CDH22: variants seen among roughly 807,000 people sequenced by gnomAD.
CDH22 encodes the protein cadherin 22.
CDH22 carries 30 observed loss-of-function variants against 58.4 expected under a neutral mutation model. The observed-to-expected ratio is 0.51, with a 90% confidence interval of 0.38 to 0.70. The LOEUF (loss-of-function observed/expected upper bound fraction) is 0.70, where lower values mean the gene tolerates loss of function less well. Among genes scored for constraint, CDH22 ranks in the 30% least tolerant of loss-of-function variants. The pLI is 0.00. For missense variants in CDH22, 1,014 were observed against 1,233.9 expected (o/e 0.82, Z 2.67); for synonymous variants, 513 against 558.2 (o/e 0.92, Z 1.14).
rs34730995 is a variant in CDH22, at chr20:46,197,295, G to GATATATATATAT, written c.1423+2116_1423+2127dup. ...ATGTGCTGGAAAGCATCTAGGCCAG[G>GATATATATATAT]ATATATATATATATATATATATACA... On this transcript the variant is annotated intron_variant, in intron 8 of 11. Transcript: ENST00000537909. Among the ~76,000 whole-genome samples, 1,149 of 141,960 alleles carry GATATATATATAT rather than the reference G, an allele frequency of 8.1e-3. 18 individuals are homozygous for GATATATATATAT. The highest frequency in any genetic ancestry group is 0.011 in the Non-Finnish European group (740 of 64,686). 93.1% of individuals were successfully genotyped at this position (141,960 alleles called of 152,430 possible).
intron 1 of CDH22, among the ~76,000 whole-genome samples, chr20:46,293,950 G>A (rs1024513769): frequency 2.0e-5 from 3 of 152,186 alleles, no homozygotes; most frequent in Non-Finnish European, 2.9e-5. Context: ...GGGAGGCGGA[G>A]GTTGCAGTGA....
intron 3 of CDH22, among the ~76,000 whole-genome samples, chr20:46,228,035 A>G (rs1194426606): frequency 6.6e-6 from 1 of 152,202 alleles, no homozygotes; most frequent in East Asian, 1.9e-4. Flanking sequence ...GATGGCGACA[A>G]TCATTACAGT....
At chr20:46,185,694 C>A (rs1273134071) in intron 10 of CDH22, among the ~76,000 whole-genome samples, 1 of 151,032 alleles carries the variant, frequency 6.6e-6, no homozygotes, top group African/African-American at 2.4e-5. Context: ...ACAGCAAGAC[C>A]CCATTTCTAC....
Position 46,186,966 on chromosome 20 carries a change from A to G in CDH22, c.1424-19T>C, listed in dbSNP as rs1274931262. The G allele has an allele frequency of 1.3e-6, 2 of 1,553,672 alleles. No individual in the cohort carries two copies. Among genetic ancestry groups the G allele is most frequent in the South Asian group, 2.5e-5 (2 of 80,728 alleles). Reference sequence around the variant, plus strand: ...TGATTGTCTGTAATGAGAGCACAGGAGCAAGGGGAGAGGCATCAAGTGGGA... The same window carrying G: ...TGATTGTCTGTAATGAGAGCACAGGGGCAAGGGGAGAGGCATCAAGTGGGA... On this transcript the variant is annotated intron_variant, in intron 8 of 11. Coordinates refer to ENST00000537909, the MANE Select transcript of CDH22 (RefSeq NM_021248.3).
rs573901259 is a variant in CDH22, at chr20:46,227,124, C to T, written c.670+384G>A. Among the ~76,000 whole-genome samples the T allele has an allele frequency of 2.6e-5, 4 of 152,328 alleles. No homozygotes were observed. The East Asian group carries it at 5.8e-4, about 22-fold the overall frequency. On this transcript the variant is annotated intron_variant, in intron 4 of 11. Transcript: ENST00000537909. ...AAAACTGCTGAAACCAGCCGTCCTCCCTTCCCCAAACTACACTTGTGACCC... is the reference window on the plus strand; with the variant it reads ...AAAACTGCTGAAACCAGCCGTCCTCTCTTCCCCAAACTACACTTGTGACCC...
rs955586079 is a variant in CDH22 at position 46,300,793 on chromosome 20, T to A, written c.-400+7462A>T. Among the ~76,000 whole-genome samples the A allele has an allele frequency of 1.6e-4, 25 of 152,324 alleles. No individual in the cohort carries two copies. Among genetic ancestry groups the A allele is most frequent in the African/African-American group, 6.0e-4 (25 of 41,574 alleles). ...ACGACTCCTGCCAAAAACGTCCCAG[T>A]GGTCCCTGAAGAAATCATCGGACAA... On this transcript the variant is annotated intron_variant, in intron 1 of 11. Coordinates refer to ENST00000537909, the MANE Select transcript of CDH22 (RefSeq NM_021248.3). The surrounding 1 kb of genome is among the most constrained non-coding windows in gnomAD (Gnocchi z 4.4).
intron 1 of CDH22, among the ~76,000 whole-genome samples, chr20:46,298,496 G>A (rs1006805579): frequency 6.6e-6 from 1 of 152,178 alleles, no homozygotes; most frequent in African/African-American, 2.4e-5. Context: ...AAGAAAGGTG[G>A]TGATACACGT....
intron 7 of CDH22, among the ~76,000 whole-genome samples, chr20:46,201,518 T>C (rs1412243682): frequency 6.6e-6 from 1 of 152,320 alleles, no homozygotes; most frequent in East Asian, 1.9e-4. Flanking sequence ...CTGTGTGACC[T>C]TGGGCAAGTC....
chr20:46,305,633 ACTCT>A (rs1568687856), intron 1 of CDH22, among the ~76,000 whole-genome samples: 1 of 151,724 alleles, frequency 6.6e-6, no homozygotes, highest in Non-Finnish European at 1.5e-5. Flanking sequence ...GAAATCATTC[ACTCT>A]CTCTCACTCT....
intron 1 of CDH22, among the ~76,000 whole-genome samples, chr20:46,267,437 C>T (rs1484229671): frequency 6.6e-6 from 1 of 152,236 alleles, no homozygotes; most frequent in Non-Finnish European, 1.5e-5. Flanking sequence ...ACACCATCCT[C>T]CTGAGATGGG....
intron 3 of CDH22, among the ~76,000 whole-genome samples, chr20:46,237,950 G>A (rs1460431471): frequency 4.6e-5 from 7 of 152,140 alleles, no homozygotes; most frequent in Admixed American, 4.6e-4. Context: ...CAATGGGGAT[G>A]CTACCATTAG....
chr20:46,219,505 C>G (rs2086109068), intron 4 of CDH22, among the ~76,000 whole-genome samples: 1 of 152,192 alleles, frequency 6.6e-6, no homozygotes, highest in Non-Finnish European at 1.5e-5. Context: ...GTGTGTGTGA[C>G]CTGTATGTTG....
chr20:46,212,462 T>C (rs2086050305), intron 6 of CDH22, among the ~76,000 whole-genome samples: 1 of 152,192 alleles, frequency 6.6e-6, no homozygotes, highest in South Asian at 2.1e-4. Flanking sequence ...GAGTTTGCAG[T>C]TTGAGTTTCT....
intron 4 of CDH22, among the ~76,000 whole-genome samples, chr20:46,222,710 G>A (rs1320734209): frequency 2.0e-5 from 3 of 152,232 alleles, no homozygotes; most frequent in Non-Finnish European, 2.9e-5. Flanking sequence ...CCTGGAGCCC[G>A]TGTGATGCCT....
chr20:46,247,053 C>G (rs1384507375), intron 2 of CDH22, among the ~76,000 whole-genome samples: 2 of 151,610 alleles, frequency 1.3e-5, no homozygotes, highest in Non-Finnish European at 1.5e-5. Flanking sequence ...ACCTTCCCCC[C>G]CACTTAGTGG....
rs183201638 is a variant in CDH22, at chr20:46,238,944, A to G, written c.550+2019T>C. Among the ~76,000 whole-genome samples, 259 of 152,364 alleles carry G rather than the reference A, an allele frequency of 1.7e-3. 2 individuals carry two copies. Among genetic ancestry groups the G allele is most frequent in the Admixed American group, 2.6e-3 (40 of 15,306 alleles). ...CAGCATAAAAGGCAACGCCCTGGCTATGGTCTACATGGCTGCATGATCTGG... is the reference window on the plus strand; with the variant it reads ...CAGCATAAAAGGCAACGCCCTGGCTGTGGTCTACATGGCTGCATGATCTGG... On this transcript the variant is annotated intron_variant, in intron 3 of 11. Transcript: ENST00000537909.
chr20:46,237,449 G>A (rs1406216574), intron 3 of CDH22, among the ~76,000 whole-genome samples: 5 of 152,154 alleles, frequency 3.3e-5, no homozygotes, highest in African/African-American at 7.2e-5. Flanking sequence ...GCTGCTTGTC[G>A]GCCCCGCCCT....
At chr20:46,188,572 G>A (rs982542803) in intron 8 of CDH22, among the ~76,000 whole-genome samples, 3 of 152,160 alleles carry the variant, frequency 2.0e-5, no homozygotes, top group Non-Finnish European at 2.9e-5. Flanking sequence ...TATCTGCAGG[G>A]CATTTGAAAC....
chr20:46,296,650 G>T (rs970369114), intron 1 of CDH22, among the ~76,000 whole-genome samples: 5 of 152,206 alleles, frequency 3.3e-5, no homozygotes, highest in Non-Finnish European at 5.9e-5. Context: ...ATGTGTCTGA[G>T]CTCATCAGGT....
Sources: allele counts gnomAD v4.1 joint callset (sites outside exome capture counted in the v4.1 genomes callset), GRCh38; gene constraint gnomAD v4.1.1; non-coding constraint Gnocchi (gnomAD v3.1); transcripts MANE v1.5; gene names NCBI Gene and HGNC (gene_info 2026-07-23, HGNC 2026-07-21).